Variants in COL11A1 observed in about 807,000 individuals in gnomAD.
COL11A1 encodes collagen alpha-1(XI) chain.
In COL11A1, 74 loss-of-function variants were observed where a neutral mutation model predicts 265.2. That is an observed-to-expected ratio of 0.28 (90% CI 0.23 to 0.34). COL11A1 has a LOEUF of 0.34. Ranked by LOEUF, COL11A1 falls within the 10% of genes least tolerant of loss-of-function variation. The probability of loss-of-function intolerance (pLI) is 1.00; values close to 1 mark genes in which losing one functional copy is unlikely to be tolerated. For synonymous variants in COL11A1, 816 were observed against 727.6 expected (o/e 1.12, Z -1.96); for missense variants, 2,165 against 2,263.6 (o/e 0.96, Z 0.88).
At chr1:102,885,051 C>G (rs1359437266) in intron 63 of COL11A1, among the ~76,000 whole-genome samples, 1 of 152,040 alleles carries the variant, frequency 6.6e-6, no homozygotes, top group Non-Finnish European at 1.5e-5. Context: ...GAACAGAAGG[C>G]CTTACTAGGT....
chr1:102,897,392 T>C (rs571530178), intron 57 of COL11A1, among the ~76,000 whole-genome samples: 4 of 151,558 alleles, frequency 2.6e-5, no homozygotes, highest in Non-Finnish European at 4.4e-5. Flanking sequence ...CACTCCACAC[T>C]TAACTATTAC....
At chr1:102,939,170 A>C (rs1658458716) in intron 43 of COL11A1, 82 bp from the exon 44 acceptor site, 2 of 1,246,232 alleles carry the variant, frequency 1.6e-6, no homozygotes, top group East Asian at 4.6e-5. Context: ...GTTAAATTTT[A>C]CCTTTAATAT....
intron 9 of COL11A1, among the ~76,000 whole-genome samples, chr1:103,021,064 C>T (rs986378367): frequency 1.3e-4 from 19 of 147,590 alleles, no homozygotes; most frequent in African/African-American, 2.2e-4. Flanking sequence ...AAATGATTTT[C>T]GTGTTGTTCT....
chr1:102,982,559 T>A (rs1454906310), intron 31 of COL11A1, among the ~76,000 whole-genome samples: 1 of 152,052 alleles, frequency 6.6e-6, no homozygotes, highest in Admixed American at 6.6e-5. Context: ...AGATAATATT[T>A]AAATGATAAA....
At chr1:103,037,142 T>C (rs575466881) in intron 4 of COL11A1, among the ~76,000 whole-genome samples, 1 of 148,372 alleles carries the variant, frequency 6.7e-6, no homozygotes, top group South Asian at 2.1e-4. Flanking sequence ...ATATATAATT[T>C]TATATATATA....
intron 41 of COL11A1, among the ~76,000 whole-genome samples, chr1:102,953,706 T>G (rs1273031308): frequency 2.0e-5 from 3 of 152,078 alleles, no homozygotes; most frequent in African/African-American, 4.8e-5. Context: ...ATCCAGAAAA[T>G]TATATGGCAT....
chr1:103,049,690 AGCCT>A (rs1460935288), intron 4 of COL11A1, among the ~76,000 whole-genome samples: 5 of 152,300 alleles, frequency 3.3e-5, no homozygotes, highest in African/African-American at 1.2e-4. Flanking sequence ...GTTTCTTCCT[AGCCT>A]TGATGGTCTT....
intron 31 of COL11A1, among the ~76,000 whole-genome samples, chr1:102,980,691 T>C (rs770428207): frequency 3.9e-5 from 6 of 152,044 alleles, no homozygotes; most frequent in African/African-American, 7.2e-5. Context: ...GAAATACCCC[T>C]AAAAATAATG....
chr1:103,043,159 A>G (rs1668962198), intron 4 of COL11A1, among the ~76,000 whole-genome samples: 2 of 146,728 alleles, frequency 1.4e-5, no homozygotes, highest in Admixed American at 1.4e-4. Flanking sequence ...TACCTGAAAT[A>G]CATCATATAT....
chr1:102,899,028 C>T, intron 54 of COL11A1, 34 bp from the exon 55 acceptor site: 1 of 1,290,022 alleles, frequency 7.8e-7, no homozygotes, highest in South Asian at 1.5e-5. Context: ...AAATATGTAT[C>T]ACATATAAAA....
chr1:102,889,785 A>T (rs1271212050), intron 58 of COL11A1, among the ~76,000 whole-genome samples: 2 of 152,160 alleles, frequency 1.3e-5, no homozygotes, highest in African/African-American at 2.4e-5. Flanking sequence ...TTTATTAAGC[A>T]TTGGAAATAT....
intron 54 of COL11A1, among the ~76,000 whole-genome samples, chr1:102,899,899 T>C (rs1652969199): frequency 6.6e-6 from 1 of 152,114 alleles, no homozygotes; most frequent in Admixed American, 6.6e-5. Context: ...TTTTATATCG[T>C]ATTTTAAACT....
rs758610033 is a variant in COL11A1, at chr1:103,082,873, C to A, written c.206G>T (p.Gly69Val). 1.9e-6 allele frequency: 3 copies of A among 1,613,430 alleles called. No homozygotes were observed. In the African/African-American group the frequency reaches 4.0e-5, roughly 22 times the overall value. Reference sequence around the variant, plus strand: ...TGAAACTCTGTAAGCAGTATCTGAGCCTTTAGAATTCTTTCTGTTTGTGCA... The same window carrying A: ...TGAAACTCTGTAAGCAGTATCTGAGACTTTAGAATTCTTTCTGTTTGTGCA... Reference protein sequence around the residue: ...GFCTNRKNSKGSDTAYRVSKQ... With the variant: ...GFCTNRKNSKVSDTAYRVSKQ... The change falls in exon 2 of 67, where the codon GGC (glycine) becomes GTC (valine). Residue 69 changes from glycine to valine, a missense_variant. Physicochemically the swap from Gly to Val is moderately radical, Grantham distance 109 (BLOSUM62 -3). Coordinates refer to ENST00000370096, the MANE Select transcript of COL11A1 (RefSeq NM_001854.4).
chr1:102,968,786 T>C (rs12143676), intron 37 of COL11A1, among the ~76,000 whole-genome samples: 3 of 152,160 alleles, frequency 2.0e-5, no homozygotes, highest in Non-Finnish European at 2.9e-5. Flanking sequence ...ACATTCATTC[T>C]AGAAACATTA....
intron 36 of COL11A1, among the ~76,000 whole-genome samples, chr1:102,974,543 CA>C (rs1175395132): frequency 2.6e-5 from 4 of 152,006 alleles, no homozygotes; most frequent in Non-Finnish European, 5.9e-5. Context: ...TTTGTAATGT[CA>C]TCAATTATAT....
chr1:102,935,140 T>C (rs1658015296), intron 44 of COL11A1, 27 bp from the exon 45 acceptor site: 1 of 1,604,906 alleles, frequency 6.2e-7, no homozygotes, highest in Admixed American at 1.7e-5. Flanking sequence ...ATAAGTAATT[T>C]TTAAAGTGAA....
intron 22 of COL11A1, 92 bp from the exon 23 acceptor site, chr1:103,002,573 C>A: frequency 8.3e-7 from 1 of 1,209,970 alleles, no homozygotes; most frequent in South Asian, 1.3e-5. Context: ...TACCCACCCT[C>A]AAACAGTTTT....
chr1:103,077,336 C>T (rs1337188), intron 3 of COL11A1, among the ~76,000 whole-genome samples: 22,708 of 147,788 alleles, frequency 0.15, 1,810 homozygotes, highest in Non-Finnish European at 0.16. Context: ...GTTTTTTTTT[C>T]TTCAGTTAGG....
At chr1:102,897,137 G>T (rs999372477) in intron 57 of COL11A1, among the ~76,000 whole-genome samples, 1 of 151,742 alleles carries the variant, frequency 6.6e-6, no homozygotes, top group African/African-American at 2.4e-5. Context: ...GAAATATTTG[G>T]TAGGTATGCT....
Sources: allele counts gnomAD v4.1 joint callset (sites outside exome capture counted in the v4.1 genomes callset), GRCh38; gene constraint gnomAD v4.1.1; transcripts MANE v1.5; gene names NCBI Gene and HGNC (gene_info 2026-07-23, HGNC 2026-07-21).